Variants in ADD1 observed in about 807,000 individuals in gnomAD.
ADD1 encodes the protein alpha-adducin.
Under a neutral mutation model 80.5 loss-of-function variants are expected in ADD1, and 24 were observed. The ratio of observed to expected loss-of-function variants is 0.30; its 90% CI spans 0.22 to 0.42. The LOEUF (loss-of-function observed/expected upper bound fraction) is 0.42. Ranked by LOEUF, ADD1 falls within the 10% of genes least tolerant of loss-of-function variation. The pLI is 1.00. For synonymous variants in ADD1, 373 were observed against 393.8 expected, an observed-to-expected ratio of 0.95 and a Z score of 0.63; for missense variants, 948 against 1,019.0, an observed-to-expected ratio of 0.93 and a Z score of 0.95.
rs1712440353 is a variant in ADD1, at chr4:2,928,733, G to A, written c.*210G>A. 1.8e-6 allele frequency: 1 copy of A among 547,846 alleles called. No homozygotes were observed. The highest frequency in any genetic ancestry group is 3.9e-5 in the Admixed American group (1 of 25,946). The allele number at this position is 547,846 out of a possible 1,614,324, so 33.9% of individuals were successfully genotyped here. A position where few individuals can be genotyped will look rare whatever the true frequency, so the allele number is the denominator to read the frequency against. ...CCACCCTGCCCCTTGTCCTCTCAGA[G>A]CCTCAGCTTCTGGGGGAGACATGCT... is the stretch of plus-strand genomic sequence containing the variant. On this transcript the variant is annotated 3_prime_UTR_variant, in exon 16 of 16. Transcript: ENST00000683351.
chr4:2,913,681 CCT>C (rs1226848596), intron 13 of ADD1, among the ~76,000 whole-genome samples: 1 of 151,936 alleles, frequency 6.6e-6, no homozygotes, highest in Non-Finnish European at 1.5e-5. Flanking sequence ...TCCAAGTTCC[CCT>C]GTCTCTGCTT....
At chr4:2,899,500 T>C in intron 9 of ADD1, 65 bp downstream of exon 9, 1 of 1,575,992 alleles carries the variant, frequency 6.3e-7, no homozygotes, top group Non-Finnish European at 8.7e-7. Flanking sequence ...TTGGTGTTCT[T>C]ACAGCAAGTG....
At chr4:2,911,431 C>CATATATATATATATATATATATATAT (rs1553848842) in intron 13 of ADD1, among the ~76,000 whole-genome samples, 4 of 140,858 alleles carry the variant, frequency 2.8e-5, no homozygotes, top group Admixed American at 7.0e-5. Flanking sequence ...ACCTGAAATA[C>CATATATATATATATATATATATATAT]ATATATATAT....
At chr4:2,876,830 C>T (rs1451503623) in intron 2 of ADD1, among the ~76,000 whole-genome samples, 1 of 144,778 alleles carries the variant, frequency 6.9e-6, no homozygotes, top group Non-Finnish European at 1.5e-5. Flanking sequence ...CATAGAGAGA[C>T]TCCGTCCCAA....
chr4:2,894,812 G>C (rs1734918148), intron 6 of ADD1, 81 bp downstream of exon 6: 1 of 1,409,844 alleles, frequency 7.1e-7, no homozygotes, highest in Non-Finnish European at 9.5e-7. Flanking sequence ...AATTGCCCTT[G>C]TTGTTTATAG....
At chr4:2,845,776 T>G (rs1311119373) in intron 1 of ADD1, among the ~76,000 whole-genome samples, 1 of 152,230 alleles carries the variant, frequency 6.6e-6, no homozygotes, top group Non-Finnish European at 1.5e-5. Flanking sequence ...TTTTTAGTTT[T>G]TAGTTCTTAT....
chr4:2,913,715 A>T (rs538566235), intron 13 of ADD1, among the ~76,000 whole-genome samples: 2 of 151,932 alleles, frequency 1.3e-5, no homozygotes, highest in Non-Finnish European at 2.9e-5. Flanking sequence ...GGCCTGTGTG[A>T]GTTGAATTTC....
intron 1 of ADD1, among the ~76,000 whole-genome samples, chr4:2,849,575 G>A (rs1726759541): frequency 6.6e-6 from 1 of 152,196 alleles, no homozygotes; most frequent in Non-Finnish European, 1.5e-5. Flanking sequence ...TTTGCATGGG[G>A]AGGAGAAAGT....
chr4:2,899,272 C>G lies in ADD1; in HGVS notation c.998C>G (p.Ala333Gly). 2 of 1,610,684 alleles carry G rather than the reference C, an allele frequency of 1.2e-6. No homozygotes were observed. The highest frequency in any genetic ancestry group is 4.5e-5 in the East Asian group (2 of 44,804). The change falls in exon 9 of 16, where the codon GCC becomes GGC. Residue 333 changes from alanine to glycine, a missense_variant. Physicochemically the swap from Ala to Gly is moderately conservative, Grantham distance 60. Coordinates refer to ENST00000683351, the MANE Select transcript of ADD1 (RefSeq NM_001354761.2). ...VACEIQVRTL[A>G]SAGGPDNLVL... The stretch of plus-strand genomic sequence containing the variant: ...GTTTTGGAAAAGGTTCGAACTCTGG[C>G]CAGTGCAGGAGGACCAGACAACTTA...
chr4:2,910,815 C>T (rs984061468), intron 13 of ADD1, among the ~76,000 whole-genome samples: 6 of 152,218 alleles, frequency 3.9e-5, no homozygotes, highest in Admixed American at 3.9e-4. Flanking sequence ...GCGAGTGCTG[C>T]ATCCAGGTGT....
intron 1 of ADD1, among the ~76,000 whole-genome samples, chr4:2,862,635 C>T (rs1015509789): frequency 1.3e-5 from 2 of 152,140 alleles, no homozygotes; most frequent in Non-Finnish European, 2.9e-5. Flanking sequence ...TAGCTGTCCC[C>T]TTCTCTGGGA....
chr4:2,884,297 A>G (rs1327259687), intron 3 of ADD1, among the ~76,000 whole-genome samples: 2 of 152,204 alleles, frequency 1.3e-5, no homozygotes, highest in African/African-American at 4.8e-5. Context: ...ATATCTCAGA[A>G]CCATTAGTAT....
chr4:2,877,034 C>T (rs933659997), intron 2 of ADD1, among the ~76,000 whole-genome samples: 2 of 151,736 alleles, frequency 1.3e-5, no homozygotes, highest in East Asian at 1.9e-4. Flanking sequence ...AGCTCAGTCT[C>T]CTGGGTGTAT....
chr4:2,916,823 A>G (rs765961724), intron 14 of ADD1, among the ~76,000 whole-genome samples: 18 of 152,168 alleles, frequency 1.2e-4, no homozygotes, highest in South Asian at 4.1e-4. Flanking sequence ...GCTGAGAATG[A>G]TGGTTTCCAG....
chr4:2,845,863 CTTAGAG>C (rs747634120), intron 1 of ADD1, among the ~76,000 whole-genome samples: 1 of 152,140 alleles, frequency 6.6e-6, no homozygotes, highest in Non-Finnish European at 1.5e-5. Context: ...TTGCTTGAAA[CTTAGAG>C]TTAGATTGAC....
At chr4:2,852,211 TCCTTTCTTTCCTTTCTTTC>T (rs1560138570) in intron 1 of ADD1, among the ~76,000 whole-genome samples, 2 of 130,654 alleles carry the variant, frequency 1.5e-5, no homozygotes, top group Non-Finnish European at 3.3e-5. Context: ...TTCTTTCCTT[TCCTTTCTTTCCTTTCTTTC>T]CTTTCTTTCT....
intron 1 of ADD1, among the ~76,000 whole-genome samples, chr4:2,861,075 C>T (rs917176421): frequency 6.6e-6 from 1 of 152,192 alleles, no homozygotes; most frequent in Non-Finnish European, 1.5e-5. Flanking sequence ...AGGACTAAGG[C>T]ATTCAAAGTA....
At chr4:2,847,133 A>G (rs1186684365) in intron 1 of ADD1, among the ~76,000 whole-genome samples, 2 of 152,020 alleles carry the variant, frequency 1.3e-5, no homozygotes, top group Non-Finnish European at 2.9e-5. Flanking sequence ...AAACAAAAAC[A>G]AAAACAAAAA....
At chr4:2,917,783 C>T (rs1203262768) in intron 14 of ADD1, among the ~76,000 whole-genome samples, 1 of 152,148 alleles carries the variant, frequency 6.6e-6, no homozygotes, top group South Asian at 2.1e-4. Context: ...ATAGGGAATC[C>T]TTTTCCCATT....
Sources: allele counts gnomAD v4.1 joint callset (sites outside exome capture counted in the v4.1 genomes callset), GRCh38; gene constraint gnomAD v4.1.1; transcripts MANE v1.5; gene names NCBI Gene and HGNC (gene_info 2026-07-23, HGNC 2026-07-21).